TBC1D8: variants seen among roughly 807,000 people sequenced by gnomAD.
TBC1D8 encodes BUB2-like protein 1.
A neutral mutation model predicts 118.8 loss-of-function variants in TBC1D8; 65 were observed. The observed-to-expected ratio is 0.55, with a 90% CI of 0.45 to 0.67. The LOEUF is 0.67. Among genes scored for constraint, TBC1D8 ranks in the 30% least tolerant of loss-of-function variants. TBC1D8 has a pLI of 0.00. For missense variants in TBC1D8, 1,376 were observed against 1,471.2 expected (o/e 0.94, Z 1.06); for synonymous variants, 566 against 595.8 (o/e 0.95, Z 0.73).
chr2:101,126,975 G>A (rs1314533499), intron 1 of TBC1D8, among the ~76,000 whole-genome samples: 1 of 152,158 alleles, frequency 6.6e-6, no homozygotes, highest in Non-Finnish European at 1.5e-5. Flanking sequence ...AGGTCACAAG[G>A]GCTTGGGGGT....
At chr2:101,037,744 G>C (rs1200398677) in intron 7 of TBC1D8, 36 bp from the exon 8 acceptor site, 4 of 1,605,950 alleles carry the variant, frequency 2.5e-6, no homozygotes, top group East Asian at 2.2e-5. Flanking sequence ...GAGAGAGAGA[G>C]GAGAGGAGAA....
At chr2:101,124,201 G>A (rs1678252636) in intron 1 of TBC1D8, among the ~76,000 whole-genome samples, 1 of 152,198 alleles carries the variant, frequency 6.6e-6, no homozygotes, top group Non-Finnish European at 1.5e-5. Context: ...GAAACAGCAG[G>A]AGAGAGGAGG....
intron 1 of TBC1D8, among the ~76,000 whole-genome samples, chr2:101,099,539 C>A (rs952369343): frequency 6.6e-6 from 1 of 152,178 alleles, no homozygotes; most frequent in African/African-American, 2.4e-5. Flanking sequence ...ATACCAAAAC[C>A]AGGAAGAGAC....
At chr2:101,114,892 T>TG (rs139594435) in intron 1 of TBC1D8, among the ~76,000 whole-genome samples, 23,259 of 152,022 alleles carry the variant, frequency 0.15, 1,835 homozygotes, top group African/African-American at 0.19. Context: ...AGAACAGGGG[T>TG]GCCACCCCAC....
chr2:101,148,984 A>C (rs998911493), intron 1 of TBC1D8, among the ~76,000 whole-genome samples: 3 of 152,122 alleles, frequency 2.0e-5, no homozygotes, highest in Admixed American at 6.6e-5. Context: ...CCAGCCCCCC[A>C]CAGCACACGT....
At chr2:101,057,148 A>G (rs1005570554) in intron 3 of TBC1D8, among the ~76,000 whole-genome samples, 1 of 152,182 alleles carries the variant, frequency 6.6e-6, no homozygotes, top group Non-Finnish European at 1.5e-5. Context: ...CAAACACCAA[A>G]AAGGCTCTCT....
Position 101,038,506 on chromosome 2 carries a change from G to A in TBC1D8, c.1230C>T (p.His410=), listed in dbSNP as rs1207652473. 6 of 1,613,816 alleles carry A rather than the reference G, an allele frequency of 3.7e-6. No individual in the cohort carries two copies. The highest frequency in any genetic ancestry group is 2.2e-5 in the East Asian group (1 of 44,882). ...TGTCGTAGTGCACGGGGTGGTTGGC[G>A]TGGACCTGCTTCAACCTCGCAAGCA... is the stretch of plus-strand genomic sequence containing the variant. ...EALLARLKQV[H]ANHPVHYDTS... Residue 410 remains histidine (H), a synonymous_variant, in exon 7 of 20, where the codon CAC becomes CAT. Transcript: ENST00000409318.
At chr2:101,016,273 A>C (rs1464025544) in intron 17 of TBC1D8, among the ~76,000 whole-genome samples, 1 of 152,234 alleles carries the variant, frequency 6.6e-6, no homozygotes, top group African/African-American at 2.4e-5. Flanking sequence ...GGATATGAAC[A>C]GACACTTCTC....
chr2:101,017,978 G>A lies in TBC1D8; in HGVS notation c.2827+3703C>T, dbSNP rs180982949. 118 of 1,529,640 alleles carry A rather than the reference G, an allele frequency of 7.7e-5. No individual in the cohort carries two copies. The East Asian group carries it at 1.4e-3, about 19-fold the overall frequency. The allele number at this position is 1,529,640 out of a possible 1,614,324, so 94.8% of individuals were successfully genotyped here. A position where few individuals can be genotyped will look rare whatever the true frequency, so the allele number is the denominator to read the frequency against. On this transcript the variant is annotated intron_variant, in intron 17 of 19. Coordinates refer to ENST00000409318, the MANE Select transcript of TBC1D8 (RefSeq NM_001330348.2). ...GGTGAAAAGTCATTATAGAGGATTCGAACGGTTCCAATGCTCGCAATTCTA... is the reference window on the plus strand; with the variant it reads ...GGTGAAAAGTCATTATAGAGGATTCAAACGGTTCCAATGCTCGCAATTCTA...
At chr2:101,016,243 G>C (rs994254378) in intron 17 of TBC1D8, among the ~76,000 whole-genome samples, 11 of 152,014 alleles carry the variant, frequency 7.2e-5, no homozygotes, top group South Asian at 4.2e-4. Flanking sequence ...AACAAACAAC[G>C]CCATCAAAAA....
chr2:101,076,176 A>G (rs1221678674), intron 2 of TBC1D8, among the ~76,000 whole-genome samples: 1 of 152,254 alleles, frequency 6.6e-6, no homozygotes, highest in Non-Finnish European at 1.5e-5. Context: ...GTGACCAAAT[A>G]GCACTAGTTG....
intron 1 of TBC1D8, among the ~76,000 whole-genome samples, chr2:101,114,507 G>A (rs1677735176): frequency 6.6e-6 from 1 of 152,162 alleles, no homozygotes; most frequent in African/African-American, 2.4e-5. Context: ...AGTACCTGGA[G>A]TTTTGTTCAC....
chr2:101,021,573 C>T, intron 17 of TBC1D8, 108 bp downstream of exon 17: 1 of 779,868 alleles, frequency 1.3e-6, no homozygotes, highest in Non-Finnish European at 2.1e-6. Context: ...CACCTGTTGC[C>T]TCAAGCATAA....
At chr2:101,027,504 G>T in intron 14 of TBC1D8, 53 bp from the exon 15 acceptor site, 1 of 1,562,766 alleles carries the variant, frequency 6.4e-7, no homozygotes, top group Non-Finnish European at 8.8e-7. Context: ...GCACCCCCAG[G>T]GGTCAGGGCA....
At position 101,090,341 on chromosome 2, in the gene TBC1D8, C is replaced by A; in HGVS notation, c.151G>T (p.Ala51Ser). ...LTGRLVGALD[A>S]VLDSNARVAP... ...ACCCGTGCATTGGAATCCAACACTG[C>A]ATCCAGAGCGCCGACCAGGCGACCT... The change falls in exon 2 of 20, where the codon GCA becomes TCA. Residue 51 changes from alanine to serine, a missense_variant. By Grantham distance (99) the Ala-to-Ser change is moderately conservative (BLOSUM62 1). Transcript: ENST00000409318. 1 of 1,614,040 alleles carries A rather than the reference C, an allele frequency of 6.2e-7. No homozygotes were observed. Among genetic ancestry groups the A allele is most frequent in the South Asian group, 1.1e-5 (1 of 91,090 alleles).
intron 2 of TBC1D8, among the ~76,000 whole-genome samples, chr2:101,088,542 T>C (rs1347762424): frequency 1.3e-5 from 2 of 152,104 alleles, no homozygotes; most frequent in African/African-American, 4.8e-5. Context: ...CGCCTGGGCC[T>C]CTCAAAGTGT....
chr2:101,126,703 T>A (rs1678373205), intron 1 of TBC1D8, among the ~76,000 whole-genome samples: 2 of 152,178 alleles, frequency 1.3e-5, no homozygotes, highest in African/African-American at 4.8e-5. Flanking sequence ...AATAAATGTT[T>A]CTCAAAAATA....
chr2:101,073,594 C>A lies in TBC1D8; in HGVS notation c.284-14055G>T, dbSNP rs895980021. On this transcript the variant is annotated intron_variant, in intron 2 of 19. Transcript: ENST00000409318. ...ACAGGCGTGAGCCACCACACCCGGC[C>A]ATCTACATTGTTTTAAAGTCAGTTG... Among the ~76,000 whole-genome samples the A allele has an allele frequency of 9.8e-5, 15 of 152,308 alleles. No individual in the cohort carries two copies. In the East Asian group the frequency reaches 2.7e-3, roughly 27 times the overall value.
chr2:101,022,608 C>T, intron 15 of TBC1D8, 87 bp from the exon 16 acceptor site: 5 of 1,487,466 alleles, frequency 3.4e-6, no homozygotes, highest in Non-Finnish European at 4.4e-6. Flanking sequence ...ATAAATTACT[C>T]ACAATCTCAC....
Sources: gnomAD v4.1 joint callset for allele counts (sites outside exome capture counted in the v4.1 genomes callset) on GRCh38, gnomAD v4.1.1 for gene constraint, MANE v1.5 for transcripts, NCBI Gene and HGNC (gene_info 2026-07-23, HGNC 2026-07-21) for gene names.